Variants in SLC41A2 observed in about 807,000 individuals in gnomAD.
The protein encoded by SLC41A2 is solute carrier family 41 member 2.
Under a neutral mutation model 58.3 loss-of-function variants are expected in SLC41A2, and 32 were observed. The ratio of observed to expected loss-of-function variants is 0.55; its 90% CI spans 0.41 to 0.74. The LOEUF (loss-of-function observed/expected upper bound fraction) is 0.74. Among genes scored for constraint, SLC41A2 ranks in the 30% least tolerant of loss-of-function variants. The pLI, the probability that SLC41A2 is intolerant of heterozygous loss-of-function variation, is 0.00. For missense variants in SLC41A2, 514 were observed against 680.6 expected (o/e 0.76, Z 2.72); for synonymous variants, 190 against 235.0 (o/e 0.81, Z 1.75).
intron 3 of SLC41A2, among the ~76,000 whole-genome samples, 193 bp from the exon 4 acceptor site, chr12:104,895,538 G>C (rs963408202): frequency 1.8e-4 from 28 of 152,176 alleles, no homozygotes; most frequent in African/African-American, 6.7e-4. Context: ...AACATGTTTA[G>C]AGAAAAAAAA....
chr12:104,845,133 T>C (rs1157793480), intron 9 of SLC41A2, among the ~76,000 whole-genome samples: 3 of 150,800 alleles, frequency 2.0e-5, no homozygotes, highest in Non-Finnish European at 3.0e-5. Flanking sequence ...AAAATAAAGA[T>C]AAAAAAAAAT....
At chr12:104,938,551 C>G (rs1256444769) in intron 1 of SLC41A2, among the ~76,000 whole-genome samples, 1 of 152,208 alleles carries the variant, frequency 6.6e-6, no homozygotes, top group Non-Finnish European at 1.5e-5. Flanking sequence ...AGAAACAATT[C>G]AGCTATGTCT....
chr12:104,880,630 A>G (rs1271339269), intron 6 of SLC41A2, among the ~76,000 whole-genome samples: 2 of 152,122 alleles, frequency 1.3e-5, no homozygotes, highest in Non-Finnish European at 2.9e-5. Context: ...ATTGATTTGC[A>G]TATGTTGAAC....
chr12:104,826,404 G>A (rs1592946484), intron 10 of SLC41A2, among the ~76,000 whole-genome samples: 4 of 152,260 alleles, frequency 2.6e-5, no homozygotes. Flanking sequence ...AGGCAATCCC[G>A]ACCTTTGCCG....
At chr12:104,860,681 C>T (rs533268625) in intron 8 of SLC41A2, among the ~76,000 whole-genome samples, 2 of 152,146 alleles carry the variant, frequency 1.3e-5, no homozygotes, top group South Asian at 4.2e-4. Flanking sequence ...TCAGGCAATC[C>T]TCCTGCCTCA....
rs200200609 is a variant in SLC41A2, at chr12:104,906,087, TA to T, written c.663+3567del. Among the ~76,000 whole-genome samples, 519 of 152,348 alleles carry T rather than the reference TA, an allele frequency of 3.4e-3. 2 individuals are homozygous for T. Among genetic ancestry groups the T allele is most frequent in the African/African-American group, 0.012 (482 of 41,582 alleles). On this transcript the variant is annotated intron_variant, in intron 3 of 10. Transcript: ENST00000258538. Reference sequence around the variant, plus strand: ...CACGCTGTCACCTCTCAAGACTACATAAAAGTTTTTTTGTTTTTTCTTCTTA... The same window carrying T: ...CACGCTGTCACCTCTCAAGACTACATAAAGTTTTTTTGTTTTTTCTTCTTA...
Position 104,942,911 on chromosome 12 carries a change from G to A in SLC41A2, c.-167-14217C>T, listed in dbSNP as rs528265679. ...TGAAATAGCTAAATTTAGAAACTAA[G>A]TAACTGCAGTTCATTAGCATTTCAA... is the stretch of plus-strand genomic sequence containing the variant. On this transcript the variant is annotated intron_variant, in intron 1 of 10. Transcript: ENST00000258538. Among the ~76,000 whole-genome samples, 48 of 152,264 alleles carry A rather than the reference G, an allele frequency of 3.2e-4. 1 individual carries two copies. The South Asian group carries it at 7.5e-3, about 24-fold the overall frequency.
chr12:104,844,676 G>A (rs1287288231), intron 9 of SLC41A2, 56 bp from the exon 10 acceptor site: 3 of 937,084 alleles, frequency 3.2e-6, no homozygotes, highest in African/African-American at 3.5e-5. Flanking sequence ...GTTAATAATA[G>A]GTCATAGTTA....
At chr12:104,903,106 T>G (rs1333064726) in intron 3 of SLC41A2, among the ~76,000 whole-genome samples, 1 of 152,186 alleles carries the variant, frequency 6.6e-6, no homozygotes, top group African/African-American at 2.4e-5. Context: ...ATCAATTCTG[T>G]TGATTCTCTC....
rs184180486 is a variant in SLC41A2, at chr12:104,930,386, C to T, written c.-167-1692G>A. Among the ~76,000 whole-genome samples, 887 of 150,998 alleles carry T rather than the reference C, an allele frequency of 5.9e-3. 9 individuals are homozygous for T. Among genetic ancestry groups the T allele is most frequent in the Non-Finnish European group, 0.01 (692 of 67,492 alleles). On this transcript the variant is annotated intron_variant, in intron 1 of 10. Transcript: ENST00000258538. ...AGAGAGCCTTCCAGGTAATGAAAGG[C>T]TGAGCTATACATCTGGAACTTAGGA...
chr12:104,877,975 C>T lies in SLC41A2; in HGVS notation c.1027+8318G>A, dbSNP rs910529625. 3.9e-5 allele frequency among the ~76,000 whole-genome samples: 6 copies of T among 151,914 alleles called. 1 individual carries two copies. The highest frequency in any genetic ancestry group is 1.3e-4 in the Admixed American group (2 of 15,262). On this transcript the variant is annotated intron_variant, in intron 6 of 10. Transcript: ENST00000258538. Reference sequence around the variant, plus strand: ...AGTGAGCCAAGATCGTACCACTGCACTCCAGCCTGGATGACAGAGCAAGAC... The same window carrying T: ...AGTGAGCCAAGATCGTACCACTGCATTCCAGCCTGGATGACAGAGCAAGAC...
At chr12:104,876,948 T>C (rs988659603) in intron 6 of SLC41A2, among the ~76,000 whole-genome samples, 3 of 152,204 alleles carry the variant, frequency 2.0e-5, no homozygotes, top group Admixed American at 6.5e-5. Context: ...TGATCATATA[T>C]ATATTTAGGT....
At chr12:104,949,106 T>C (rs1411027711) in intron 1 of SLC41A2, among the ~76,000 whole-genome samples, 1 of 152,066 alleles carries the variant, frequency 6.6e-6, no homozygotes, top group African/African-American at 2.4e-5. Context: ...TAATCCCAGC[T>C]ACTTGGGAGG....
In SLC41A2 at chr12:104,850,251, G is replaced by A. The variant is rs2042749976; in HGVS notation, c.1256-4277C>T. On this transcript the variant is annotated intron_variant, in intron 8 of 10. Coordinates refer to ENST00000258538, the MANE Select transcript of SLC41A2 (RefSeq NM_001352171.3). ...TGTTTTTGTTTTGTTTTTATAATAG[G>A]ATTATCTGGCTTGTGCTAGATTATT... is the stretch of plus-strand genomic sequence containing the variant. Among the ~76,000 whole-genome samples, 3 of 152,096 alleles carry A rather than the reference G, an allele frequency of 2.0e-5. No individual in the cohort carries two copies. In the South Asian group the frequency reaches 6.2e-4, roughly 32 times the overall value.
At chr12:104,809,798 G>A (rs2041092069) in intron 10 of SLC41A2, among the ~76,000 whole-genome samples, 1 of 152,140 alleles carries the variant, frequency 6.6e-6, no homozygotes. Flanking sequence ...AGGCAAAAAG[G>A]CAGCATGATG....
chr12:104,946,498 T>C (rs2047723289), intron 1 of SLC41A2, among the ~76,000 whole-genome samples: 1 of 152,212 alleles, frequency 6.6e-6, no homozygotes, highest in Admixed American at 6.5e-5. Context: ...GGTCTTGAAC[T>C]CCTGGCCACA....
At chr12:104,857,784 T>C (rs904184013) in intron 8 of SLC41A2, among the ~76,000 whole-genome samples, 8 of 137,568 alleles carry the variant, frequency 5.8e-5, no homozygotes, top group African/African-American at 2.2e-4. Flanking sequence ...ATGTTCTCAC[T>C]CATAGGAATT....
intron 8 of SLC41A2, among the ~76,000 whole-genome samples, chr12:104,849,308 C>A (rs1029772692): frequency 1.3e-5 from 2 of 152,130 alleles, no homozygotes; most frequent in Non-Finnish European, 2.9e-5. Flanking sequence ...CAAAGGACTA[C>A]TATCCAGAAT....
intron 10 of SLC41A2, among the ~76,000 whole-genome samples, chr12:104,830,430 T>C (rs1366968628): frequency 2.0e-5 from 3 of 152,232 alleles, no homozygotes; most frequent in African/African-American, 7.2e-5. Context: ...GGATTCAATG[T>C]AGTGTGAAGC....
Sources: allele counts gnomAD v4.1 joint callset (sites outside exome capture counted in the v4.1 genomes callset), GRCh38; gene constraint gnomAD v4.1.1; transcripts MANE v1.5; gene names NCBI Gene and HGNC (gene_info 2026-07-23, HGNC 2026-07-21).